Variants in CNTNAP2 observed in about 807,000 individuals in gnomAD.
The protein encoded by CNTNAP2 is contactin associated protein 2.
Under a neutral mutation model 155.2 loss-of-function variants are expected in CNTNAP2, and 98 were observed. The observed-to-expected ratio is 0.63, with a 90% CI of 0.54 to 0.75. The LOEUF is 0.75. CNTNAP2 is among the 30% of genes least tolerant of loss of function. CNTNAP2 has a pLI of 0.00. For missense variants in CNTNAP2, 1,727 were observed against 1,688.1 expected, an observed-to-expected ratio of 1.02 and a Z score of -0.40; for synonymous variants, 651 against 631.2, an observed-to-expected ratio of 1.03 and a Z score of -0.47.
intron 2 of CNTNAP2, among the ~76,000 whole-genome samples, chr7:146,817,804 C>T (rs1475591224): frequency 2.6e-5 from 4 of 152,112 alleles, no homozygotes; most frequent in East Asian, 1.9e-4. Context: ...CACCTCTCAC[C>T]AGGCTTCACC....
At chr7:146,838,506 T>C (rs1803658984) in intron 2 of CNTNAP2, among the ~76,000 whole-genome samples, 1 of 152,066 alleles carries the variant, frequency 6.6e-6, no homozygotes, top group Admixed American at 6.6e-5. Flanking sequence ...TTAGAGGAAA[T>C]GGGGTTTCAG....
At chr7:147,392,513 C>T (rs768505115) in intron 9 of CNTNAP2, among the ~76,000 whole-genome samples, 1 of 151,980 alleles carries the variant, frequency 6.6e-6, no homozygotes, top group Non-Finnish European at 1.5e-5. Context: ...CCCTCTCCCA[C>T]CTTTCTTCCC....
At chr7:147,537,354 C>T (rs1454142090) in intron 11 of CNTNAP2, among the ~76,000 whole-genome samples, 1 of 151,974 alleles carries the variant, frequency 6.6e-6, no homozygotes. Context: ...CTTATATAAT[C>T]GTAAAAGAAA....
chr7:146,871,854 G>A (rs1273295517), intron 3 of CNTNAP2, among the ~76,000 whole-genome samples: 1 of 151,822 alleles, frequency 6.6e-6, no homozygotes, highest in Admixed American at 6.6e-5. Flanking sequence ...CATGTTTTAT[G>A]AGCATAACAA....
chr7:147,057,698 G>C (rs985555289), intron 4 of CNTNAP2, among the ~76,000 whole-genome samples: 15 of 152,168 alleles, frequency 9.9e-5, no homozygotes, highest in African/African-American at 3.6e-4. Context: ...GGTAAGAACT[G>C]CTGATATAGA....
intron 1 of CNTNAP2, among the ~76,000 whole-genome samples, chr7:146,326,887 C>T (rs955803368): frequency 7.9e-5 from 12 of 152,114 alleles, no homozygotes; most frequent in Admixed American, 2.6e-4. Flanking sequence ...ATTCACATTT[C>T]ATTTATTATA....
chr7:147,122,664 G>A (rs980539429), intron 6 of CNTNAP2: 1 of 152,102 alleles, frequency 6.6e-6, no homozygotes, highest in Non-Finnish European at 1.5e-5. Flanking sequence ...ATCATTAAAA[G>A]GAATGACACA....
chr7:147,101,817 T>C (rs1320329276), intron 4 of CNTNAP2, among the ~76,000 whole-genome samples: 1 of 152,178 alleles, frequency 6.6e-6, no homozygotes, highest in Non-Finnish European at 1.5e-5. Flanking sequence ...ACTGCTCGTC[T>C]GTTCATGGAG....
intron 12 of CNTNAP2, among the ~76,000 whole-genome samples, chr7:147,571,429 G>T (rs1401459342): frequency 6.6e-6 from 1 of 151,554 alleles, no homozygotes; most frequent in East Asian, 1.9e-4. Flanking sequence ...TACATAATTT[G>T]TATATTTCCT....
Position 146,159,844 on chromosome 7 carries a change from TAAC to T in CNTNAP2, c.97+42874_97+42876del, listed in dbSNP as rs1213348968. On this transcript the variant is annotated intron_variant, in intron 1 of 23. Transcript: ENST00000361727. ...TAGACAGATCAATGAGACAGAAAGT[TAAC>T]AAGGATATCCAGGAATTGAACTCAG... Among the ~76,000 whole-genome samples, 10 of 152,182 alleles carry T rather than the reference TAAC, an allele frequency of 6.6e-5. No homozygotes were observed. In the East Asian group the frequency reaches 1.9e-3, roughly 29 times the overall value.
At chr7:147,458,973 AT>A (rs35029412) in intron 10 of CNTNAP2, among the ~76,000 whole-genome samples, 88,221 of 151,428 alleles carry the variant, frequency 0.58, 26,126 homozygotes, top group African/African-American at 0.69. Context: ...AAGGAAATTG[AT>A]TTTTTTTTTA....
intron 13 of CNTNAP2, among the ~76,000 whole-genome samples, chr7:147,900,629 G>T (rs1403891524): frequency 2.0e-5 from 3 of 151,862 alleles, no homozygotes; most frequent in Non-Finnish European, 4.4e-5. Flanking sequence ...GTTTTGTTTT[G>T]TTTTTGAGAC....
chr7:147,144,830 C>T (rs1305616509), intron 8 of CNTNAP2, among the ~76,000 whole-genome samples: 1 of 152,122 alleles, frequency 6.6e-6, no homozygotes. Flanking sequence ...CCTGTACATG[C>T]GTGCATTCTC....
intron 2 of CNTNAP2, among the ~76,000 whole-genome samples, chr7:146,785,782 A>G (rs188104402): frequency 1.3e-5 from 2 of 152,330 alleles, no homozygotes; most frequent in East Asian, 3.9e-4. Context: ...TTCTTTCAAC[A>G]CTTCCAATAT....
intron 8 of CNTNAP2, among the ~76,000 whole-genome samples, chr7:147,192,860 T>C (rs144047457): frequency 1.3e-5 from 2 of 152,360 alleles, no homozygotes; most frequent in East Asian, 1.9e-4. Flanking sequence ...GACTAGTGGA[T>C]GATTAGATTC....
chr7:147,828,547 T>C (rs1798495952), intron 13 of CNTNAP2, among the ~76,000 whole-genome samples: 1 of 152,146 alleles, frequency 6.6e-6, no homozygotes, highest in Non-Finnish European at 1.5e-5. Flanking sequence ...TCTATCTTAA[T>C]TTGATAAAAT....
chr7:147,442,641 T>G (rs1297461711), intron 10 of CNTNAP2, among the ~76,000 whole-genome samples: 5 of 152,092 alleles, frequency 3.3e-5, no homozygotes, highest in African/African-American at 9.7e-5. Flanking sequence ...CAAGTGTGAA[T>G]CTCACCCAAG....
At chr7:148,281,421 G>A (rs1049164907) in intron 21 of CNTNAP2, among the ~76,000 whole-genome samples, 3 of 152,178 alleles carry the variant, frequency 2.0e-5, no homozygotes, top group Non-Finnish European at 4.4e-5. Context: ...TTGCCTTTGC[G>A]TTTTACTATA....
At chr7:147,597,567 A>C (rs1196636753) in intron 12 of CNTNAP2, among the ~76,000 whole-genome samples, 1 of 152,184 alleles carries the variant, frequency 6.6e-6, no homozygotes, top group Non-Finnish European at 1.5e-5. Flanking sequence ...CACCACTAAC[A>C]AGCCCCATTA....
Sources: allele counts gnomAD v4.1 joint callset (sites outside exome capture counted in the v4.1 genomes callset), GRCh38; gene constraint gnomAD v4.1.1; transcripts MANE v1.5; gene names NCBI Gene and HGNC (gene_info 2026-07-23, HGNC 2026-07-21).